The following BCR variants were observed in gnomAD, a reference collection of about 807,000 sequenced individuals.
BCR encodes the protein BCR activator of RhoGEF and GTPase.
Under a neutral mutation model 138.6 loss-of-function variants are expected in BCR, and 58 were observed. That is an observed-to-expected ratio of 0.42 (90% CI 0.34 to 0.52). The LOEUF (loss-of-function observed/expected upper bound fraction) is 0.52, where lower values mean the gene tolerates loss of function less well. Among genes scored for constraint, BCR ranks in the 20% least tolerant of loss-of-function variants. The pLI, the probability that BCR is intolerant of heterozygous loss-of-function variation, is 0.06. For synonymous variants in BCR, 786 were observed against 730.1 expected, an observed-to-expected ratio of 1.08 and a Z score of -1.23; for missense variants, 1,599 against 1,727.2, an observed-to-expected ratio of 0.93 and a Z score of 1.32.
chr22:23,213,091 GT>G (rs1169082864), intron 1 of BCR, among the ~76,000 whole-genome samples: 2 of 152,208 alleles, frequency 1.3e-5, no homozygotes, highest in African/African-American at 4.8e-5. Flanking sequence ...CCCTTGTCTA[GT>G]TTTGTTCTGA....
chr22:23,254,407 T>C (rs2073269481), intron 2 of BCR: 2 of 494,874 alleles, frequency 4.0e-6, no homozygotes, highest in Admixed American at 2.0e-5. Flanking sequence ...CCTGTGAATT[T>C]TCACTTGACC....
Position 23,292,456 on chromosome 22 carries a change from T to A in BCR, c.2783-85T>A, listed in dbSNP as rs146748922. 204 of 980,158 alleles carry A rather than the reference T, an allele frequency of 2.1e-4. No homozygotes were observed. The African/African-American group carries it at 3.1e-3, about 15-fold the overall frequency. 60.7% of individuals were successfully genotyped at this position (980,158 alleles called of 1,614,324 possible). On this transcript the variant is annotated intron_variant, in intron 14 of 22. Transcript: ENST00000305877. ...TTTTTTTATTTTTATTTTTTCTGAT[T>A]CTGCAAATAACACCTGCTCTTACAG...
intron 1 of BCR, among the ~76,000 whole-genome samples, chr22:23,212,972 G>A (rs1347396793): frequency 2.0e-5 from 3 of 152,296 alleles, no homozygotes; most frequent in Middle Eastern, 3.4e-3. Flanking sequence ...GGAGGCTGCC[G>A]GCCTCAAAAA....
chr22:23,246,960 C>A (rs2073164344), intron 1 of BCR, among the ~76,000 whole-genome samples: 1 of 152,034 alleles, frequency 6.6e-6, no homozygotes, highest in Non-Finnish European at 1.5e-5. Context: ...TAAGAAGGTG[C>A]CAGGCTATGG....
At chr22:23,307,807 C>G (rs131698) in intron 16 of BCR, 3 of 125,746 alleles carry the variant, frequency 2.4e-5, no homozygotes, top group Admixed American at 8.3e-5. Context: ...GGTGAGCCTT[C>G]GTGCTGAGCA....
intron 16 of BCR, among the ~76,000 whole-genome samples, chr22:23,300,268 G>A (rs1568980963): frequency 6.6e-6 from 1 of 152,172 alleles, no homozygotes; most frequent in Admixed American, 6.5e-5. Context: ...CTGTGGATTT[G>A]CCTACTCTAG....
At chr22:23,295,372 G>A (rs925238715) in intron 16 of BCR, among the ~76,000 whole-genome samples, 16 of 152,084 alleles carry the variant, frequency 1.1e-4, no homozygotes, top group Admixed American at 5.2e-4. Context: ...CTGTTGCGTC[G>A]GCTCATTCCC....
At position 23,297,141 on chromosome 22, in the gene BCR, A is replaced by G. The variant is rs114741271; in HGVS notation, c.3012+1986A>G. ...CAACCTCAAACTCCTGGCTGAAGCA[A>G]TCTTTGTGCCCTAGCCTCCCAAGTT... On this transcript the variant is annotated intron_variant, in intron 16 of 22. Transcript: ENST00000305877. Among the ~76,000 whole-genome samples the G allele has an allele frequency of 7.8e-3, 1,176 of 151,718 alleles. 18 individuals carry two copies. The highest frequency in any genetic ancestry group is 0.027 in the African/African-American group (1,115 of 41,270).
rs770412439 is a variant in BCR, at chr22:23,314,058, T to A, written c.3548T>A (p.Leu1183Gln). 3.2e-5 allele frequency: 51 copies of A among 1,613,322 alleles called. No individual in the cohort carries two copies. Among genetic ancestry groups the A allele is most frequent in the Non-Finnish European group, 4.2e-5 (50 of 1,179,926 alleles). The change falls in exon 21 of 23, where the codon CTG (leucine) becomes CAG (glutamine). Residue 1183 changes from leucine (L) to glutamine (Q), a missense_variant. Transcript: ENST00000305877. ...EANLLTFLFL[L>Q]DHLKRVAEKE... ...AACCTGCTCACCTTCCTTTTCCTTCTGGACCACCTGAAAAGGTAGCCCAGC... is the reference window on the plus strand; with the variant it reads ...AACCTGCTCACCTTCCTTTTCCTTCAGGACCACCTGAAAAGGTAGCCCAGC...
chr22:23,239,815 C>T (rs1352881571), intron 1 of BCR, among the ~76,000 whole-genome samples: 1 of 151,542 alleles, frequency 6.6e-6, no homozygotes, highest in Non-Finnish European at 1.5e-5. Context: ...CACCCACCCA[C>T]CCCCACTTTT....
chr22:23,234,173 A>G (rs2072995292), intron 1 of BCR, among the ~76,000 whole-genome samples: 1 of 152,108 alleles, frequency 6.6e-6, no homozygotes, highest in African/African-American at 2.4e-5. Flanking sequence ...TCAGCTAGTA[A>G]AGGAGGGGAG....
At chr22:23,251,753 C>T (rs1324933658) in intron 1 of BCR, among the ~76,000 whole-genome samples, 1 of 152,202 alleles carries the variant, frequency 6.6e-6, no homozygotes, top group African/African-American at 2.4e-5. Context: ...ACAGGTGACT[C>T]ATGGTGAGAG....
At chr22:23,312,151 T>C (rs1186331562) in intron 19 of BCR, among the ~76,000 whole-genome samples, 3 of 152,278 alleles carry the variant, frequency 2.0e-5, no homozygotes, top group South Asian at 4.2e-4. Flanking sequence ...TCCCCTGCCA[T>C]GTGTGAGGAT....
At chr22:23,294,658 CA>C (rs2073825744) in intron 15 of BCR, among the ~76,000 whole-genome samples, 1 of 152,232 alleles carries the variant, frequency 6.6e-6, no homozygotes, top group South Asian at 2.1e-4. Flanking sequence ...CTTGGCCTCC[CA>C]AAGTACTGGG....
At chr22:23,282,132 A>C (rs2073653594) in intron 8 of BCR, among the ~76,000 whole-genome samples, 1 of 152,248 alleles carries the variant, frequency 6.6e-6, no homozygotes, top group Admixed American at 6.5e-5. Context: ...TGTCCCTGCC[A>C]AGAGGACCTA....
chr22:23,199,612 G>T (rs2072525880), intron 1 of BCR, among the ~76,000 whole-genome samples: 1 of 152,218 alleles, frequency 6.6e-6, no homozygotes, highest in African/African-American at 2.4e-5. Flanking sequence ...CTGTTGGGAT[G>T]CAGGGGAAGG....
chr22:23,296,373 CAAAAAAAAA>C (rs996139532), intron 16 of BCR, among the ~76,000 whole-genome samples: 57 of 56,696 alleles, frequency 1.0e-3, no homozygotes, highest in African/African-American at 3.4e-3. Context: ...GAGTCCGTCT[CAAAAAAAAA>C]AAAAAAAAAA....
chr22:23,250,192 G>T (rs116614131), intron 1 of BCR, among the ~76,000 whole-genome samples: 3,701 of 152,272 alleles, frequency 0.024, 69 homozygotes, highest in Non-Finnish European at 0.027. Flanking sequence ...CGAAGTTCTT[G>T]CTGGGCTGAC....
At chr22:23,275,674 T>A (rs2073567473) in intron 8 of BCR, among the ~76,000 whole-genome samples, 1 of 152,204 alleles carries the variant, frequency 6.6e-6, no homozygotes, top group South Asian at 2.1e-4. Context: ...GTGACAAACC[T>A]GTGGGCAGTC....
Sources: gnomAD v4.1 joint callset for allele counts (sites outside exome capture counted in the v4.1 genomes callset) on GRCh38, gnomAD v4.1.1 for gene constraint, MANE v1.5 for transcripts, NCBI Gene and HGNC (gene_info 2026-07-23, HGNC 2026-07-21) for gene names.